Variants in CNTN3 observed in about 807,000 individuals in gnomAD.
CNTN3 encodes contactin-3.
CNTN3 carries 60 observed loss-of-function variants against 119.1 expected under a neutral mutation model. The ratio of observed to expected loss-of-function variants is 0.50; its 90% CI spans 0.41 to 0.62. The LOEUF is 0.62. Among genes scored for constraint, CNTN3 ranks in the 20% least tolerant of loss-of-function variants. The pLI is 0.00. For missense variants in CNTN3, 1,101 were observed against 1,242.4 expected (o/e 0.89, Z 1.71); for synonymous variants, 450 against 438.7 (o/e 1.03, Z -0.32).
intron 3 of CNTN3, among the ~76,000 whole-genome samples, chr3:74,491,110 C>T (rs560918298): frequency 3.5e-4 from 54 of 152,154 alleles, no homozygotes; most frequent in South Asian, 3.1e-3. Flanking sequence ...AATATTTTAT[C>T]CTGAGAAACA....
intron 1 of CNTN3, among the ~76,000 whole-genome samples, chr3:74,587,608 C>G (rs947177838): frequency 3.3e-5 from 5 of 152,034 alleles, no homozygotes; most frequent in African/African-American, 1.2e-4. Context: ...TGTACTGATA[C>G]ATGAGCAAAG....
intron 13 of CNTN3, among the ~76,000 whole-genome samples, chr3:74,329,302 T>C (rs1234837023): frequency 6.6e-6 from 1 of 152,226 alleles, no homozygotes; most frequent in Non-Finnish European, 1.5e-5. Flanking sequence ...GCAGATTGGT[T>C]GTCACTGCTC....
chr3:74,338,567 G>T (rs1703456676), intron 11 of CNTN3, among the ~76,000 whole-genome samples: 1 of 151,872 alleles, frequency 6.6e-6, no homozygotes, highest in Non-Finnish European at 1.5e-5. Flanking sequence ...GACTATAGGA[G>T]ACTGCCACCC....
At chr3:74,320,166 G>A (rs1198626284) in intron 13 of CNTN3, among the ~76,000 whole-genome samples, 4 of 152,156 alleles carry the variant, frequency 2.6e-5, no homozygotes, top group Non-Finnish European at 5.9e-5. Flanking sequence ...TCCCATTACT[G>A]GGTATATACC....
chr3:74,394,929 T>C lies in CNTN3; in HGVS notation c.455-23530A>G, dbSNP rs185542518. Among the ~76,000 whole-genome samples, 667 of 152,310 alleles carry C rather than the reference T, an allele frequency of 4.4e-3. 6 individuals carry two copies. Among genetic ancestry groups the C allele is most frequent in the African/African-American group, 0.015 (632 of 41,578 alleles). Reference sequence around the variant, plus strand: ...AGATTCTGTAAATATGACTCTTTTATTGTACATTAATATATGGAAAATGTT... The same window carrying C: ...AGATTCTGTAAATATGACTCTTTTACTGTACATTAATATATGGAAAATGTT... On this transcript the variant is annotated intron_variant, in intron 5 of 22. Coordinates refer to ENST00000263665, the MANE Select transcript of CNTN3 (RefSeq NM_020872.3).
In CNTN3 at chr3:74,342,540, A is replaced by T. The variant is rs1362868368; in HGVS notation, c.1365-5882T>A. Among the ~76,000 whole-genome samples the T allele has an allele frequency of 2.0e-5, 3 of 152,166 alleles. No homozygotes were observed. The East Asian group carries it at 5.8e-4, about 29-fold the overall frequency. On this transcript the variant is annotated intron_variant, in intron 11 of 22. Transcript: ENST00000263665. ...TGAACATACACATTCTATGGAACAG[A>T]CACCTAGAGAAGATGGACCTTGGCT...
At chr3:74,554,423 G>T (rs1704039358) in intron 1 of CNTN3, among the ~76,000 whole-genome samples, 1 of 152,062 alleles carries the variant, frequency 6.6e-6, no homozygotes, top group Non-Finnish European at 1.5e-5. Flanking sequence ...TTCATATGAA[G>T]TTTAAAGTAG....
chr3:74,341,904 T>C lies in CNTN3; in HGVS notation c.1365-5246A>G, dbSNP rs775239658. 8.5e-5 allele frequency among the ~76,000 whole-genome samples: 13 copies of C among 152,284 alleles called. No homozygotes were observed. The East Asian group carries it at 1.3e-3, about 16-fold the overall frequency. ...TTCTTCTGATCATTACGGTAATTTA[T>C]TCAACTTGAATTTTAACAAACACAC... On this transcript the variant is annotated intron_variant, in intron 11 of 22. Transcript: ENST00000263665.
chr3:74,604,727 T>A (rs1038717810), intron 1 of CNTN3, among the ~76,000 whole-genome samples: 1 of 152,074 alleles, frequency 6.6e-6, no homozygotes, highest in Non-Finnish European at 1.5e-5. Flanking sequence ...GTAACCATTA[T>A]AGAAATCAGT....
chr3:74,475,557 G>C (rs1378809385), intron 4 of CNTN3, among the ~76,000 whole-genome samples: 3 of 152,136 alleles, frequency 2.0e-5, no homozygotes, highest in African/African-American at 7.2e-5. Context: ...GAAAGGACTA[G>C]AAAATTAATT....
At chr3:74,346,984 G>A (rs983232135) in intron 11 of CNTN3, among the ~76,000 whole-genome samples, 1 of 152,084 alleles carries the variant, frequency 6.6e-6, no homozygotes, top group African/African-American at 2.4e-5. Flanking sequence ...TAAGACATGG[G>A]AAGCTGTCCA....
intron 19 of CNTN3, among the ~76,000 whole-genome samples, chr3:74,290,695 C>A (rs1278576890): frequency 4.0e-5 from 6 of 151,838 alleles, no homozygotes; most frequent in Non-Finnish European, 1.5e-5. Flanking sequence ...CATTTATTTT[C>A]TTTTTTTCTT....
chr3:74,310,237 G>A (rs1322891769), intron 13 of CNTN3, among the ~76,000 whole-genome samples: 11 of 152,040 alleles, frequency 7.2e-5, no homozygotes. Flanking sequence ...AAGGAATAAA[G>A]AGCCATTGTT....
At chr3:74,508,429 C>A (rs1703303796) in intron 2 of CNTN3, among the ~76,000 whole-genome samples, 1 of 152,076 alleles carries the variant, frequency 6.6e-6, no homozygotes, top group Non-Finnish European at 1.5e-5. Flanking sequence ...GCATCTGGAA[C>A]TATGGGGTGC....
At chr3:74,442,145 G>A (rs1360975336) in intron 4 of CNTN3, among the ~76,000 whole-genome samples, 1 of 102,410 alleles carries the variant, frequency 9.8e-6, no homozygotes, top group African/African-American at 4.8e-5. Context: ...GTGCATGCAA[G>A]TACACACACA....
chr3:74,315,608 G>T (rs1702811716), intron 13 of CNTN3, among the ~76,000 whole-genome samples: 1 of 152,058 alleles, frequency 6.6e-6, no homozygotes, highest in Non-Finnish European at 1.5e-5. Context: ...GACCGTAATA[G>T]AATTAAACTA....
chr3:74,310,303 A>C (rs1461555527), intron 13 of CNTN3, among the ~76,000 whole-genome samples: 1 of 152,204 alleles, frequency 6.6e-6, no homozygotes, highest in Non-Finnish European at 1.5e-5. Flanking sequence ...ATTTACTTTG[A>C]GTTTCAATTA....
chr3:74,341,439 C>T (rs1353711624), intron 11 of CNTN3, among the ~76,000 whole-genome samples: 1 of 152,134 alleles, frequency 6.6e-6, no homozygotes, highest in Non-Finnish European at 1.5e-5. Flanking sequence ...CGTTAAAAAA[C>T]AATTTATGAA....
At chr3:74,546,144 C>T (rs1168603711) in intron 1 of CNTN3, among the ~76,000 whole-genome samples, 11 of 152,126 alleles carry the variant, frequency 7.2e-5, no homozygotes, top group African/African-American at 1.7e-4. Flanking sequence ...TACAGGCGCC[C>T]GCCAGTATGC....
Sources: allele counts gnomAD v4.1 joint callset (sites outside exome capture counted in the v4.1 genomes callset), GRCh38; gene constraint gnomAD v4.1.1; transcripts MANE v1.5; gene names NCBI Gene and HGNC (gene_info 2026-07-23, HGNC 2026-07-21).